Variants in XPR1 observed in about 807,000 individuals in gnomAD.
XPR1 encodes the protein solute carrier family 53 member 1.
XPR1 carries 28 observed loss-of-function variants against 87.5 expected under a neutral mutation model. The observed-to-expected ratio is 0.32, with a 90% CI of 0.24 to 0.44. The LOEUF is 0.44. Among genes scored for constraint, XPR1 ranks in the 20% least tolerant of loss-of-function variants. The probability of loss-of-function intolerance (pLI) is 1.00; values close to 1 mark genes in which losing one functional copy is unlikely to be tolerated. For synonymous variants in XPR1, 300 were observed against 306.1 expected (o/e 0.98, Z 0.21); for missense variants, 559 against 862.3 (o/e 0.65, Z 4.41).
At chr1:180,852,297 A>C (rs570465228) in intron 11 of XPR1, among the ~76,000 whole-genome samples, 1 of 152,260 alleles carries the variant, frequency 6.6e-6, no homozygotes, top group South Asian at 2.1e-4. Context: ...TACCCTTTGC[A>C]TAGTTTCCCC....
intron 2 of XPR1, among the ~76,000 whole-genome samples, chr1:180,759,657 T>A (rs1475721095): frequency 6.6e-6 from 1 of 151,874 alleles, no homozygotes; most frequent in African/African-American, 2.4e-5. Context: ...CAGGACCAGA[T>A]GGATTCACAG....
chr1:180,802,031 G>C (rs1221034690), intron 3 of XPR1, among the ~76,000 whole-genome samples: 1 of 151,670 alleles, frequency 6.6e-6, no homozygotes, highest in Non-Finnish European at 1.5e-5. Flanking sequence ...CCTGACCTCA[G>C]GTGATCCACC....
intron 2 of XPR1, among the ~76,000 whole-genome samples, chr1:180,697,195 A>C (rs1657200829): frequency 1.3e-5 from 2 of 152,052 alleles, no homozygotes; most frequent in Admixed American, 1.3e-4. Flanking sequence ...TTTCTTCCTG[A>C]TTCAATCTTG....
chr1:180,752,273 A>G (rs1647562502), intron 2 of XPR1, among the ~76,000 whole-genome samples: 1 of 152,180 alleles, frequency 6.6e-6, no homozygotes, highest in African/African-American at 2.4e-5. Context: ...AGAAAACTAC[A>G]TTTTAAAAAG....
At chr1:180,843,574 C>G (rs959074978) in intron 11 of XPR1, among the ~76,000 whole-genome samples, 14 of 151,770 alleles carry the variant, frequency 9.2e-5, no homozygotes, top group Non-Finnish European at 1.8e-4. Flanking sequence ...TTTTTATCTA[C>G]TTGGCATTGT....
intron 14 of XPR1, among the ~76,000 whole-genome samples, chr1:180,881,248 G>C (rs1182019284): frequency 6.6e-6 from 1 of 151,822 alleles, no homozygotes; most frequent in Non-Finnish European, 1.5e-5. Context: ...ACTGCAAGCT[G>C]CACCTCCTGG....
intron 1 of XPR1, among the ~76,000 whole-genome samples, chr1:180,667,873 T>C (rs1266954984): frequency 6.6e-6 from 1 of 151,600 alleles, no homozygotes; most frequent in African/African-American, 2.4e-5. Flanking sequence ...TTTTGGTGCA[T>C]AGTTGTTCAC....
chr1:180,664,831 G>A (rs1353562004), intron 1 of XPR1, among the ~76,000 whole-genome samples: 2 of 152,106 alleles, frequency 1.3e-5, no homozygotes, highest in South Asian at 2.1e-4. Context: ...AATGGTTTCC[G>A]GATGAAACTG....
chr1:180,721,313 A>T (rs568089260), intron 2 of XPR1, among the ~76,000 whole-genome samples: 105 of 152,102 alleles, frequency 6.9e-4, no homozygotes, highest in Middle Eastern at 3.4e-3. Flanking sequence ...AAATAAATTT[A>T]TCATATCATT....
chr1:180,791,707 C>T (rs1261147097), intron 3 of XPR1, among the ~76,000 whole-genome samples: 3 of 152,082 alleles, frequency 2.0e-5, no homozygotes, highest in African/African-American at 7.2e-5. Flanking sequence ...GATATTTTTT[C>T]ATGAAACAGT....
intron 2 of XPR1, among the ~76,000 whole-genome samples, chr1:180,715,838 A>T (rs1405591057): frequency 1.3e-5 from 2 of 151,892 alleles, no homozygotes; most frequent in Non-Finnish European, 2.9e-5. Flanking sequence ...ACACCCAGCT[A>T]ATTTTTGTAT....
chr1:180,790,544 A>C lies in XPR1; in HGVS notation c.223+2690A>C, dbSNP rs753287809. ...CCTAGAAGACAGAGACAAAATATAC[A>C]TTTTCTTTTTTTTGAGACGGAGTCT... On this transcript the variant is annotated intron_variant, in intron 3 of 14. Coordinates refer to ENST00000367590, the MANE Select transcript of XPR1 (RefSeq NM_004736.4). Among the ~76,000 whole-genome samples, 4 of 151,912 alleles carry C rather than the reference A, an allele frequency of 2.6e-5. No homozygotes were observed. The East Asian group carries it at 7.7e-4, about 29-fold the overall frequency.
At chr1:180,876,914 G>T (rs1424854101) in intron 13 of XPR1, among the ~76,000 whole-genome samples, 1 of 151,938 alleles carries the variant, frequency 6.6e-6, no homozygotes, top group Non-Finnish European at 1.5e-5. Flanking sequence ...TATCATAATT[G>T]GAAAGGAAAA....
At chr1:180,827,284 C>T (rs978476423) in intron 9 of XPR1, among the ~76,000 whole-genome samples, 5 of 151,936 alleles carry the variant, frequency 3.3e-5, no homozygotes, top group African/African-American at 1.2e-4. Flanking sequence ...GCCACTGTGC[C>T]TGGCCATAAA....
At chr1:180,638,138 G>A (rs1233786241) in intron 1 of XPR1, among the ~76,000 whole-genome samples, 1 of 151,742 alleles carries the variant, frequency 6.6e-6, no homozygotes, top group African/African-American at 2.4e-5. Context: ...TCAAAGCATT[G>A]TTATTGATAA....
At chr1:180,841,713 A>G (rs1443492300) in intron 11 of XPR1, among the ~76,000 whole-genome samples, 2 of 152,168 alleles carry the variant, frequency 1.3e-5, no homozygotes, top group African/African-American at 4.8e-5. Flanking sequence ...TTCAGTACTC[A>G]CTGTCAAAGT....
At chr1:180,850,312 C>T (rs778805951) in intron 11 of XPR1, among the ~76,000 whole-genome samples, 1 of 152,022 alleles carries the variant, frequency 6.6e-6, no homozygotes, top group Non-Finnish European at 1.5e-5. Context: ...ATGAAGAAAA[C>T]GTGGAAGAGA....
At chr1:180,648,493 T>C (rs1323686273) in intron 1 of XPR1, among the ~76,000 whole-genome samples, 4 of 152,156 alleles carry the variant, frequency 2.6e-5, no homozygotes, top group Non-Finnish European at 5.9e-5. Flanking sequence ...TTTCTGGGAG[T>C]TCAAACCTGA....
At chr1:180,877,879 A>G (rs902301324) in intron 13 of XPR1, 2 of 152,250 alleles carry the variant, frequency 1.3e-5, no homozygotes, top group African/African-American at 4.8e-5. Flanking sequence ...CCCAGTGTAG[A>G]TATCTTTCAC....
Sources: gnomAD v4.1 joint callset for allele counts (sites outside exome capture counted in the v4.1 genomes callset) on GRCh38, gnomAD v4.1.1 for gene constraint, MANE v1.5 for transcripts, NCBI Gene and HGNC (gene_info 2026-07-23, HGNC 2026-07-21) for gene names.